Variants in TFG observed in about 807,000 individuals in gnomAD.
TFG encodes the protein protein TFG.
A neutral mutation model predicts 51.4 loss-of-function variants in TFG; 22 were observed. The observed-to-expected ratio is 0.43, with a 90% CI of 0.31 to 0.61. TFG has a LOEUF of 0.61. TFG is among the 20% of genes least tolerant of loss of function. TFG has a pLI of 0.12. For synonymous variants in TFG, 187 were observed against 165.6 expected, an observed-to-expected ratio of 1.13 and a Z score of -0.99; for missense variants, 419 against 487.7, an observed-to-expected ratio of 0.86 and a Z score of 1.33.
At chr3:100,723,350 C>G (rs1266416383) in intron 3 of TFG, among the ~76,000 whole-genome samples, 1 of 151,906 alleles carries the variant, frequency 6.6e-6, no homozygotes, top group African/African-American at 2.4e-5. Flanking sequence ...GGTACCTGTT[C>G]AGTTCAGTAG....
chr3:100,723,361 A>G (rs2095066001), intron 3 of TFG, among the ~76,000 whole-genome samples: 2 of 152,134 alleles, frequency 1.3e-5, no homozygotes, highest in Admixed American at 1.3e-4. Flanking sequence ...AGTTCAGTAG[A>G]AAGTGGTGGC....
At chr3:100,748,067 T>G in intron 7 of TFG, 82 bp from the exon 8 acceptor site, 1 of 1,382,326 alleles carries the variant, frequency 7.2e-7, no homozygotes, top group Non-Finnish European at 9.9e-7. Context: ...CCATTTTTGG[T>G]CCACCTAACA....
chr3:100,712,519 A>G (rs1312954125), intron 1 of TFG, among the ~76,000 whole-genome samples: 1 of 152,184 alleles, frequency 6.6e-6, no homozygotes, highest in Non-Finnish European at 1.5e-5. Context: ...GGAAGGAGTT[A>G]TGCTTGGAAA....
intron 4 of TFG, among the ~76,000 whole-genome samples, chr3:100,730,540 T>C (rs1209874376): frequency 6.6e-6 from 1 of 152,164 alleles, no homozygotes. Flanking sequence ...TAGAGATAGT[T>C]CTTATTTTTT....
chr3:100,726,564 C>G (rs1055934392), intron 3 of TFG, among the ~76,000 whole-genome samples: 1 of 151,882 alleles, frequency 6.6e-6, no homozygotes, highest in Non-Finnish European at 1.5e-5. Context: ...GCTCTTAAAC[C>G]CACTGAGTAG....
intron 1 of TFG, chr3:100,709,927 G>A (rs1054685410): frequency 7.0e-6 from 1 of 143,318 alleles, no homozygotes; most frequent in Non-Finnish European, 1.5e-5. Context: ...GCCTTGCATG[G>A]GGGGAGGGGA....
At chr3:100,741,287 T>C (rs1471739325) in intron 6 of TFG, among the ~76,000 whole-genome samples, 3 of 152,146 alleles carry the variant, frequency 2.0e-5, no homozygotes, top group African/African-American at 7.2e-5. Context: ...CCTGAAGACC[T>C]TCCAGTGGGA....
chr3:100,729,306 T>G (rs1323762029), intron 4 of TFG, among the ~76,000 whole-genome samples: 1 of 152,210 alleles, frequency 6.6e-6, no homozygotes, highest in Admixed American at 6.5e-5. Flanking sequence ...TCACTTAGAT[T>G]AGTAATGTTC....
At chr3:100,716,297 T>C (rs760922330) in intron 2 of TFG, among the ~76,000 whole-genome samples, 7 of 152,210 alleles carry the variant, frequency 4.6e-5, no homozygotes, top group Admixed American at 1.3e-4. Context: ...CTTCCACATA[T>C]GAGAGAGAGC....
At chr3:100,723,833 T>G (rs1169870232) in intron 3 of TFG, among the ~76,000 whole-genome samples, 2 of 149,126 alleles carry the variant, frequency 1.3e-5, no homozygotes, top group Non-Finnish European at 1.5e-5. Flanking sequence ...GAAATACAGT[T>G]TTTTTTTTTT....
At chr3:100,732,815 A>G (rs977881851) in intron 5 of TFG, 143 bp downstream of exon 5, 1 of 645,824 alleles carries the variant, frequency 1.5e-6, no homozygotes, top group Non-Finnish European at 2.6e-6. Flanking sequence ...ATTTTTACAT[A>G]TGTGTACACT....
chr3:100,736,749 AGTACATGTGTAGAAGT>A (rs1463272950), intron 6 of TFG, 33 bp downstream of exon 6: 1 of 1,603,220 alleles, frequency 6.2e-7, no homozygotes, highest in African/African-American at 1.3e-5. Flanking sequence ...TGTTTGGGAA[AGTACATGTGTAGAAGT>A]GTTTATTACA....
At position 100,713,645 on chromosome 3, in the gene TFG, T is replaced by C; in HGVS notation, c.-41T>C. ...ATTATCAAAACCACTTTTATCAGTCTTTCTCTAGAGTTGTATATATAGAAC... is the reference window on the plus strand; with the variant it reads ...ATTATCAAAACCACTTTTATCAGTCCTTCTCTAGAGTTGTATATATAGAAC... On this transcript the variant is annotated splice_region_variant and 5_prime_UTR_variant, in exon 2 of 8. Coordinates refer to ENST00000240851, the MANE Select transcript of TFG (RefSeq NM_006070.6). 1 of 1,378,844 alleles carries C rather than the reference T, an allele frequency of 7.3e-7. No individual in the cohort carries two copies. Among genetic ancestry groups the C allele is most frequent in the Non-Finnish European group, 9.6e-7 (1 of 1,038,544 alleles). 85.4% of individuals were successfully genotyped at this position (1,378,844 alleles called of 1,614,324 possible). A position where few individuals can be genotyped will look rare whatever the true frequency, so the allele number is the denominator to read the frequency against.
At chr3:100,710,828 AGTT>A (rs1379011260) in intron 1 of TFG, 1 of 152,226 alleles carries the variant, frequency 6.6e-6, no homozygotes, top group Non-Finnish European at 1.5e-5. Context: ...TCTAGGAACT[AGTT>A]AATACCAGTC....
intron 3 of TFG, among the ~76,000 whole-genome samples, chr3:100,724,692 A>G (rs148758742): frequency 6.6e-6 from 1 of 152,348 alleles, no homozygotes; most frequent in Non-Finnish European, 1.5e-5. Context: ...AGAAAATATT[A>G]AGTAATATTT....
At chr3:100,738,085 CAAA>C (rs10537172) in intron 6 of TFG, among the ~76,000 whole-genome samples, 12 of 149,268 alleles carry the variant, frequency 8.0e-5, no homozygotes, top group Non-Finnish European at 7.4e-5. Context: ...CAAACAAAGC[CAAA>C]AAAAAAAAAA....
At chr3:100,722,378 G>A in intron 3 of TFG, among the ~76,000 whole-genome samples, 1 of 152,078 alleles carries the variant, frequency 6.6e-6, no homozygotes, top group South Asian at 2.1e-4. Flanking sequence ...AAAAACACAG[G>A]CAAAAGAGAA....
intron 2 of TFG, 93 bp from the exon 3 acceptor site, chr3:100,719,882 A>G: frequency 1.4e-6 from 1 of 710,280 alleles, no homozygotes; most frequent in Non-Finnish European, 2.3e-6. Context: ...TACAATCTAC[A>G]TTTTGGATTT....
intron 1 of TFG, among the ~76,000 whole-genome samples, chr3:100,712,257 A>G (rs1484121270): frequency 6.6e-6 from 1 of 152,232 alleles, no homozygotes; most frequent in African/African-American, 2.4e-5. Flanking sequence ...TTCATATAAT[A>G]GGATTCATGA....
Sources: allele counts gnomAD v4.1 joint callset (sites outside exome capture counted in the v4.1 genomes callset), GRCh38; gene constraint gnomAD v4.1.1; transcripts MANE v1.5; gene names NCBI Gene and HGNC (gene_info 2026-07-23, HGNC 2026-07-21).